ZFPM2: variants seen among roughly 807,000 people sequenced by gnomAD.
ZFPM2 encodes zinc finger protein, FOG family member 2.
A neutral mutation model predicts 98.6 loss-of-function variants in ZFPM2; 20 were observed. That is an observed-to-expected ratio of 0.20 (90% confidence interval 0.14 to 0.29). The LOEUF (loss-of-function observed/expected upper bound fraction) is 0.29. Ranked by LOEUF, ZFPM2 falls within the 10% of genes least tolerant of loss-of-function variation. The pLI is 1.00. For synonymous variants in ZFPM2, 518 were observed against 502.7 expected, an observed-to-expected ratio of 1.03 and a Z score of -0.41; for missense variants, 1,310 against 1,388.6, an observed-to-expected ratio of 0.94 and a Z score of 0.90.
At chr8:105,484,579 A>T (rs1276173436) in intron 3 of ZFPM2, among the ~76,000 whole-genome samples, 1 of 152,184 alleles carries the variant, frequency 6.6e-6, no homozygotes, top group Non-Finnish European at 1.5e-5. Context: ...TCATTTACTC[A>T]TTGAGTTACT....
chr8:105,780,461 C>CA (rs1813214439), intron 5 of ZFPM2: 1 of 152,128 alleles, frequency 6.6e-6, no homozygotes, highest in African/African-American at 2.4e-5. Flanking sequence ...ACAAATTTAC[C>CA]AAGTTCCTCA....
chr8:105,361,795 G>A (rs1168758200), intron 1 of ZFPM2, among the ~76,000 whole-genome samples: 1 of 151,986 alleles, frequency 6.6e-6, no homozygotes, highest in South Asian at 2.1e-4. Context: ...ATATATGATG[G>A]TGGTCCCATA....
intron 5 of ZFPM2, among the ~76,000 whole-genome samples, chr8:105,775,096 A>AG (rs1813069954): frequency 6.7e-6 from 1 of 149,582 alleles, no homozygotes; most frequent in African/African-American, 2.5e-5. Context: ...AAAAAAAAAA[A>AG]GCAAAACAAG....
chr8:105,684,754 A>G (rs1810693752), intron 5 of ZFPM2: 2 of 152,050 alleles, frequency 1.3e-5, no homozygotes, highest in African/African-American at 4.8e-5. Context: ...CCTCATCTGT[A>G]TGTATGCATT....
At chr8:105,395,022 A>G (rs948497088) in intron 1 of ZFPM2, among the ~76,000 whole-genome samples, 4 of 152,158 alleles carry the variant, frequency 2.6e-5, no homozygotes, top group Non-Finnish European at 5.9e-5. Context: ...GTAATTCAGT[A>G]TAAAAGCACT....
rs1811955248 is a variant in ZFPM2, at chr8:105,318,756, G to A, written c.-186G>A. On this transcript the variant is annotated 5_prime_UTR_variant, in exon 1 of 8. Coordinates refer to ENST00000407775, the MANE Select transcript of ZFPM2 (RefSeq NM_012082.4). ...CCCGTCTCTCTTCTCTCATTTGCTT[G>A]CTCATCTCCGAACGTGAATCCGCGG... The A allele has an allele frequency of 6.4e-6, 1 of 155,976 alleles. No homozygotes were observed. Among genetic ancestry groups the A allele is most frequent in the African/African-American group, 2.5e-5 (1 of 40,630 alleles). 9.7% of individuals were successfully genotyped at this position (155,976 alleles called of 1,614,324 possible).
intron 3 of ZFPM2, among the ~76,000 whole-genome samples, chr8:105,534,276 TTCCC>T (rs200540748): frequency 5.1e-5 from 2 of 39,470 alleles, no homozygotes; most frequent in Non-Finnish European, 8.5e-5. Flanking sequence ...CCTTCCTTCT[TTCCC>T]TCCCTCCCTC....
chr8:105,544,881 TA>T (rs1220536067), intron 3 of ZFPM2, among the ~76,000 whole-genome samples: 1 of 152,206 alleles, frequency 6.6e-6, no homozygotes, highest in Non-Finnish European at 1.5e-5. Context: ...CCATCTTTTT[TA>T]TATATCATGG....
intron 5 of ZFPM2, among the ~76,000 whole-genome samples, chr8:105,667,756 C>T (rs1219612901): frequency 6.6e-6 from 1 of 152,156 alleles, no homozygotes; most frequent in Admixed American, 6.5e-5. Context: ...AAATATAATA[C>T]AGTGCCAATT....
intron 5 of ZFPM2, among the ~76,000 whole-genome samples, chr8:105,649,027 A>T (rs1817113585): frequency 6.6e-6 from 1 of 152,042 alleles, no homozygotes; most frequent in Non-Finnish European, 1.5e-5. Context: ...ATGTTCTTCC[A>T]TTTGTTTGTG....
intron 5 of ZFPM2, among the ~76,000 whole-genome samples, chr8:105,703,800 T>A (rs2130961566): frequency 6.6e-6 from 1 of 152,352 alleles, no homozygotes; most frequent in East Asian, 1.9e-4. Flanking sequence ...CAGGGCAATA[T>A]GGCTCAGGTC....
At chr8:105,360,978 AG>A (rs1812847752) in intron 1 of ZFPM2, among the ~76,000 whole-genome samples, 1 of 146,858 alleles carries the variant, frequency 6.8e-6, no homozygotes, top group South Asian at 2.2e-4. Flanking sequence ...TAGTCCTTTG[AG>A]TATATACCCA....
chr8:105,455,088 A>G (rs1456140839), intron 3 of ZFPM2, among the ~76,000 whole-genome samples: 1 of 152,198 alleles, frequency 6.6e-6, no homozygotes, highest in Non-Finnish European at 1.5e-5. Flanking sequence ...TGTTCAAAAG[A>G]AATGCTCATT....
intron 3 of ZFPM2, among the ~76,000 whole-genome samples, chr8:105,547,748 C>T (rs986623304): frequency 1.3e-5 from 2 of 151,958 alleles, no homozygotes; most frequent in African/African-American, 4.8e-5. Context: ...TACATAATTT[C>T]AAACATAATT....
intron 5 of ZFPM2, among the ~76,000 whole-genome samples, chr8:105,708,198 A>G (rs1381775991): frequency 1.3e-5 from 2 of 152,214 alleles, no homozygotes; most frequent in South Asian, 2.1e-4. Context: ...AACCTGTGTC[A>G]TCGACCTCCA....
At chr8:105,384,310 C>T (rs550940766) in intron 1 of ZFPM2, among the ~76,000 whole-genome samples, 45 of 152,202 alleles carry the variant, frequency 3.0e-4, no homozygotes, top group African/African-American at 9.1e-4. Context: ...CCCTCAACTT[C>T]GCCACTGAGA....
At chr8:105,360,702 C>T (rs1327376826) in intron 1 of ZFPM2, among the ~76,000 whole-genome samples, 1 of 148,344 alleles carries the variant, frequency 6.7e-6, no homozygotes, top group Non-Finnish European at 1.5e-5. Context: ...CAATTCCCAC[C>T]TATGAGTGAG....
chr8:105,538,537 T>G (rs1217428408), intron 3 of ZFPM2, among the ~76,000 whole-genome samples: 1 of 152,160 alleles, frequency 6.6e-6, no homozygotes, highest in African/African-American at 2.4e-5. Context: ...ATATTTAAAT[T>G]GTTGTGTTGT....
intron 5 of ZFPM2, among the ~76,000 whole-genome samples, chr8:105,664,830 A>C (rs1817459754): frequency 6.6e-6 from 1 of 152,280 alleles, no homozygotes; most frequent in Admixed American, 6.5e-5. Context: ...AGGCTGAAGT[A>C]CTGTGGTTTT....
Sources: gnomAD v4.1 joint callset for allele counts (sites outside exome capture counted in the v4.1 genomes callset) on GRCh38, gnomAD v4.1.1 for gene constraint, MANE v1.5 for transcripts, NCBI Gene and HGNC (gene_info 2026-07-23, HGNC 2026-07-21) for gene names.